Variants in PLEKHH2 observed in about 807,000 individuals in gnomAD.
The protein encoded by PLEKHH2 is pleckstrin homology domain-containing family H member 2.
A neutral mutation model predicts 187.9 loss-of-function variants in PLEKHH2; 129 were observed. The observed-to-expected ratio is 0.69, with a 90% CI of 0.59 to 0.79. The LOEUF is 0.79. PLEKHH2 is among the 30% of genes least tolerant of loss of function. The pLI, the probability that PLEKHH2 is intolerant of heterozygous loss-of-function variation, is 0.00. For missense variants in PLEKHH2, 2,076 were observed against 1,751.2 expected (o/e 1.19, Z -3.31); for synonymous variants, 686 against 605.6 (o/e 1.13, Z -1.95).
At chr2:43,682,337 C>T (rs1668234857) in intron 3 of PLEKHH2, among the ~76,000 whole-genome samples, 1 of 151,970 alleles carries the variant, frequency 6.6e-6, no homozygotes, top group Admixed American at 6.6e-5. Flanking sequence ...GAGACAGTCT[C>T]ACTCTGTCAC....
At chr2:43,679,491 TC>T (rs1486551866) in intron 3 of PLEKHH2, 5 of 345,514 alleles carry the variant, frequency 1.4e-5, no homozygotes, top group East Asian at 1.1e-4. Context: ...AATGATTTTT[TC>T]CCTTTTTTTT....
At position 43,753,766 on chromosome 2, in the gene PLEKHH2, T is replaced by C. The variant is rs1672096441; in HGVS notation, c.3795+6T>C. ...TGGCAGCTCTTTTATCTCAGGTAACTTCCATGTTATATGGAGTAATATATT... is the reference window on the plus strand; with the variant it reads ...TGGCAGCTCTTTTATCTCAGGTAACCTCCATGTTATATGGAGTAATATATT... On this transcript the variant is annotated splice_donor_region_variant and intron_variant, in intron 25 of 29. Coordinates refer to ENST00000282406, the MANE Select transcript of PLEKHH2 (RefSeq NM_172069.4). 1 of 1,565,588 alleles carries C rather than the reference T, an allele frequency of 6.4e-7. No individual in the cohort carries two copies. The highest frequency in any genetic ancestry group is 1.2e-5 in the South Asian group (1 of 80,770).
In PLEKHH2 at chr2:43,767,672, T is replaced by C. The variant is rs992708284; in HGVS notation, c.*2074T>C. 6.5e-6 allele frequency: 1 copy of C among 152,732 alleles called. No homozygotes were observed. The highest frequency in any genetic ancestry group is 2.4e-5 in the African/African-American group (1 of 41,452). The allele number at this position is 152,732 out of a possible 1,614,324, so 9.5% of individuals were successfully genotyped here. A position where few individuals can be genotyped will look rare whatever the true frequency, so the allele number is the denominator to read the frequency against. On this transcript the variant is annotated 3_prime_UTR_variant, in exon 30 of 30. Coordinates refer to ENST00000282406, the MANE Select transcript of PLEKHH2 (RefSeq NM_172069.4). ...GCTTTATTCTCAGGCAGTAGTTTAT[T>C]CATCATTTGGTAAGCCCCTCCCCAC...
intron 19 of PLEKHH2, among the ~76,000 whole-genome samples, chr2:43,737,507 TG>T (rs1671350572): frequency 6.6e-6 from 1 of 152,194 alleles, no homozygotes; most frequent in Non-Finnish European, 1.5e-5. Flanking sequence ...GCAGTTTAGC[TG>T]GGTGGTTCTG....
chr2:43,724,386 C>A (rs935111968), intron 16 of PLEKHH2, among the ~76,000 whole-genome samples: 2 of 152,202 alleles, frequency 1.3e-5, no homozygotes, highest in African/African-American at 4.8e-5. Flanking sequence ...ACTCCAATTG[C>A]AAACTTGGCC....
At chr2:43,717,262 A>T (rs1670258054) in intron 15 of PLEKHH2, among the ~76,000 whole-genome samples, 1 of 152,190 alleles carries the variant, frequency 6.6e-6, no homozygotes, top group Non-Finnish European at 1.5e-5. Flanking sequence ...CTCTAAAAAT[A>T]CAAAAATTAG....
intron 2 of PLEKHH2, among the ~76,000 whole-genome samples, chr2:43,677,413 C>G (rs1013748440): frequency 5.9e-5 from 9 of 152,124 alleles, no homozygotes; most frequent in African/African-American, 2.2e-4. Context: ...AACGAGCATG[C>G]TGCCTTCAAG....
chr2:43,675,083 A>G (rs968364438), intron 2 of PLEKHH2: 4 of 247,930 alleles, frequency 1.6e-5, no homozygotes, highest in African/African-American at 8.9e-5. Context: ...CAGTAGAAAT[A>G]TGTAAGCTAC....
rs1364759713 is a variant in PLEKHH2 at position 43,738,542 on chromosome 2, T to C, written c.3123+22T>C. The C allele has an allele frequency of 1.9e-6, 3 of 1,556,384 alleles. No individual in the cohort carries two copies. In the East Asian group the frequency reaches 6.8e-5, roughly 35 times the overall value. Reference sequence around the variant, plus strand: ...GCAGGTAGATATTAATATTGATACATATACATGCAATTTAAAGTGTTTTTT... The same window carrying C: ...GCAGGTAGATATTAATATTGATACACATACATGCAATTTAAAGTGTTTTTT... On this transcript the variant is annotated intron_variant, in intron 20 of 29. Coordinates refer to ENST00000282406, the MANE Select transcript of PLEKHH2 (RefSeq NM_172069.4).
At chr2:43,693,772 T>A (rs1668954276) in intron 4 of PLEKHH2, among the ~76,000 whole-genome samples, 1 of 149,878 alleles carries the variant, frequency 6.7e-6, no homozygotes, top group Non-Finnish European at 1.5e-5. Flanking sequence ...TGGGGTTATG[T>A]ACTTAATGCT....
Position 43,730,714 on chromosome 2 carries a change from T to G in PLEKHH2, c.2831-776T>G, listed in dbSNP as rs182786676. ...GTGCCTGGCCTGAAATGAATTTTTA[T>G]GGCTAAGGTTCCCCCACTGAGAGAC... On this transcript the variant is annotated intron_variant, in intron 18 of 29. Transcript: ENST00000282406. 1.6e-4 allele frequency among the ~76,000 whole-genome samples: 24 copies of G among 152,288 alleles called. No homozygotes were observed. The East Asian group carries it at 4.1e-3, about 26-fold the overall frequency.
intron 19 of PLEKHH2, among the ~76,000 whole-genome samples, chr2:43,733,734 G>A (rs908625336): frequency 2.0e-5 from 3 of 152,208 alleles, no homozygotes; most frequent in Non-Finnish European, 4.4e-5. Flanking sequence ...GTGGGGAGGT[G>A]GTGAAGTTTG....
At chr2:43,699,521 G>A in intron 7 of PLEKHH2, 126 bp from the exon 8 acceptor site, 1 of 1,175,616 alleles carries the variant, frequency 8.5e-7, no homozygotes, top group Middle Eastern at 2.7e-4. Flanking sequence ...GGGACTACAG[G>A]TACACACCAC....
intron 15 of PLEKHH2, 101 bp downstream of exon 15, chr2:43,712,484 G>C (rs1670015982): frequency 1.5e-6 from 2 of 1,336,354 alleles, no homozygotes; most frequent in East Asian, 5.2e-5. Context: ...ATTGAATATT[G>C]ATATGATCTT....
chr2:43,646,795 T>G (rs982989807), intron 2 of PLEKHH2, among the ~76,000 whole-genome samples: 1 of 151,720 alleles, frequency 6.6e-6, no homozygotes, highest in African/African-American at 2.4e-5. Flanking sequence ...TAGTTGTGGT[T>G]TCTTTTTCTT....
intron 2 of PLEKHH2, among the ~76,000 whole-genome samples, chr2:43,658,280 C>T (rs1666890676): frequency 6.6e-6 from 1 of 152,170 alleles, no homozygotes; most frequent in African/African-American, 2.4e-5. Context: ...ATTTTTCACA[C>T]TTACGTGTAT....
chr2:43,737,018 A>G (rs1217068417), intron 19 of PLEKHH2, among the ~76,000 whole-genome samples: 1 of 152,182 alleles, frequency 6.6e-6, no homozygotes, highest in African/African-American at 2.4e-5. Context: ...CAGTTTTCCC[A>G]TCTTCTAGAA....
chr2:43,647,014 T>A (rs936945622), intron 2 of PLEKHH2, among the ~76,000 whole-genome samples: 12 of 152,106 alleles, frequency 7.9e-5, no homozygotes, highest in Non-Finnish European at 1.5e-4. Context: ...TATATTCCAT[T>A]ATGAATATTT....
intron 2 of PLEKHH2, among the ~76,000 whole-genome samples, chr2:43,673,463 C>A (rs1350266171): frequency 6.6e-6 from 1 of 152,088 alleles, no homozygotes; most frequent in Non-Finnish European, 1.5e-5. Context: ...ATTTTTAGCC[C>A]TACAACATCC....
Sources: gnomAD v4.1 joint callset for allele counts (sites outside exome capture counted in the v4.1 genomes callset) on GRCh38, gnomAD v4.1.1 for gene constraint, MANE v1.5 for transcripts, NCBI Gene and HGNC (gene_info 2026-07-23, HGNC 2026-07-21) for gene names.